RBBP8: variants seen among roughly 807,000 people sequenced by gnomAD.
RBBP8 encodes DNA endonuclease RBBP8.
RBBP8 carries 88 observed loss-of-function variants against 108.3 expected under a neutral mutation model. That is an observed-to-expected ratio of 0.81 (90% CI 0.68 to 0.97). RBBP8 has a LOEUF of 0.97. Among genes scored for constraint, RBBP8 ranks in the 50% least tolerant of loss-of-function variants. RBBP8 has a pLI of 0.00. For synonymous variants in RBBP8, 332 were observed against 348.2 expected (o/e 0.95, Z 0.52); for missense variants, 1,023 against 1,049.0 (o/e 0.98, Z 0.34).
intron 3 of RBBP8, among the ~76,000 whole-genome samples, chr18:22,927,409 C>T (rs1018666688): frequency 3.3e-5 from 5 of 152,330 alleles, no homozygotes; most frequent in South Asian, 2.1e-4. Flanking sequence ...TGGATACCCA[C>T]GTCCCAGTTC....
chr18:22,947,434 GGTATGT>G (rs1186829227), intron 3 of RBBP8, among the ~76,000 whole-genome samples: 2 of 151,316 alleles, frequency 1.3e-5, no homozygotes, highest in Non-Finnish European at 2.9e-5. Flanking sequence ...GTGCTGCATA[GGTATGT>G]AAAAGAGACA....
At chr18:22,926,074 G>A (rs1909781396) in intron 3 of RBBP8, among the ~76,000 whole-genome samples, 1 of 152,180 alleles carries the variant, frequency 6.6e-6, no homozygotes, top group Admixed American at 6.5e-5. Context: ...TGTCCAAACA[G>A]CCACTGCATT....
chr18:22,948,504 A>G (rs371711491), intron 3 of RBBP8, among the ~76,000 whole-genome samples: 48 of 152,242 alleles, frequency 3.2e-4, no homozygotes, highest in African/African-American at 9.9e-4. Flanking sequence ...TATTTGTTGT[A>G]TAGCCAGAAG....
chr18:22,972,895 TACAGGG>T (rs143856324), intron 5 of RBBP8, among the ~76,000 whole-genome samples: 86 of 152,296 alleles, frequency 5.6e-4, no homozygotes, highest in African/African-American at 2.0e-3. Context: ...TAATAAATCT[TACAGGG>T]ACCCTACTCT....
At chr18:22,949,886 A>C in intron 4 of RBBP8, 173 bp downstream of exon 4, 1 of 587,290 alleles carries the variant, frequency 1.7e-6, no homozygotes, top group South Asian at 2.1e-5. Context: ...GATTTTCATT[A>C]ATTCTGAGAT....
intron 2 of RBBP8, among the ~76,000 whole-genome samples, chr18:22,943,764 A>C (rs569138065): frequency 1.3e-5 from 2 of 152,294 alleles, no homozygotes; most frequent in Admixed American, 6.5e-5. Flanking sequence ...ATGACAGTAC[A>C]TACATTTTAT....
chr18:22,971,605 C>G (rs1567969127), intron 5 of RBBP8, among the ~76,000 whole-genome samples: 1 of 147,558 alleles, frequency 6.8e-6, no homozygotes, highest in Admixed American at 6.7e-5. Flanking sequence ...GTAAGTTTTA[C>G]TGATAGCTTT....
chr18:22,987,058 C>T (rs1449370116), intron 8 of RBBP8, among the ~76,000 whole-genome samples: 2 of 152,096 alleles, frequency 1.3e-5, no homozygotes, highest in East Asian at 3.8e-4. Context: ...AAAAATAATC[C>T]CCCTTTTAAT....
intron 15 of RBBP8, among the ~76,000 whole-genome samples, chr18:23,005,464 G>A (rs991812166): frequency 1.3e-5 from 2 of 151,968 alleles, no homozygotes; most frequent in Non-Finnish European, 2.9e-5. Context: ...CCAGGCTGGA[G>A]TGCAGTGGCA....
At position 22,939,062 on chromosome 18, in the gene RBBP8, G is replaced by A. The variant is rs1910829182; in HGVS notation, c.109+2102G>A. ...TCTGTAACTTTCCCTATGTCCCTAT[G>A]TATGAGAAATGCTTCATATTACATT... On this transcript the variant is annotated intron_variant, in intron 2 of 18. Coordinates refer to ENST00000327155, the MANE Select transcript of RBBP8 (RefSeq NM_002894.3). 2.0e-5 allele frequency among the ~76,000 whole-genome samples: 3 copies of A among 152,186 alleles called. No individual in the cohort carries two copies. The South Asian group carries it at 6.2e-4, about 31-fold the overall frequency.
chr18:22,920,846 A>G (rs969345033), intron 3 of RBBP8: 1 of 152,178 alleles, frequency 6.6e-6, no homozygotes, highest in African/African-American at 2.4e-5. Context: ...AGATCCTAGG[A>G]GAGCAGCAAG....
intron 13 of RBBP8, among the ~76,000 whole-genome samples, chr18:22,996,723 G>T (rs1204785069): frequency 6.6e-6 from 1 of 152,118 alleles, no homozygotes. Context: ...GTGGGCAGGC[G>T]CAGTGGCTCA....
intron 16 of RBBP8, among the ~76,000 whole-genome samples, chr18:23,008,458 T>C (rs941439076): frequency 6.6e-6 from 1 of 152,190 alleles, no homozygotes; most frequent in African/African-American, 2.4e-5. Flanking sequence ...CAAATGTGAC[T>C]AGGTTGTTTT....
Position 22,955,714 on chromosome 18 carries a change from A to G in RBBP8, c.248+6001A>G, listed in dbSNP as rs1391346896. 2.0e-5 allele frequency among the ~76,000 whole-genome samples: 3 copies of G among 151,668 alleles called. No individual in the cohort carries two copies. In the East Asian group the frequency reaches 5.9e-4, roughly 30 times the overall value. On this transcript the variant is annotated intron_variant, in intron 4 of 18. Coordinates refer to ENST00000327155, the MANE Select transcript of RBBP8 (RefSeq NM_002894.3). ...TGCCTCAGCCTCCCGAGTGGCTGGGACTACAGGCGCCCACTGCCTCGCCCG... is the reference window on the plus strand; with the variant it reads ...TGCCTCAGCCTCCCGAGTGGCTGGGGCTACAGGCGCCCACTGCCTCGCCCG...
At chr18:23,022,668 T>TAAAAAAAATAAAATAA (rs1353697130) in intron 18 of RBBP8, among the ~76,000 whole-genome samples, 5 of 136,106 alleles carry the variant, frequency 3.7e-5, no homozygotes, top group African/African-American at 1.4e-4. Context: ...TAAAATAAAA[T>TAAAAAAAATAAAATAA]AAATAACTGT....
chr18:22,946,032 TC>T (rs1334932124), intron 2 of RBBP8, among the ~76,000 whole-genome samples: 1 of 152,224 alleles, frequency 6.6e-6, no homozygotes, highest in Non-Finnish European at 1.5e-5. Context: ...TAGGTACTTT[TC>T]CATAAGGAAT....
rs545071372 is a variant in RBBP8 at position 23,017,593 on chromosome 18, G to T, written c.2454+669G>T. Among the ~76,000 whole-genome samples, 4 of 151,188 alleles carry T rather than the reference G, an allele frequency of 2.6e-5. No homozygotes were observed. The South Asian group carries it at 8.4e-4, about 32-fold the overall frequency. The stretch of plus-strand genomic sequence containing the variant: ...GGCGTGAACCCGGGAGGCAGAGCTT[G>T]TAGTGAGCCGAGATTGCACCACTGC... On this transcript the variant is annotated intron_variant, in intron 17 of 18. Coordinates refer to ENST00000327155, the MANE Select transcript of RBBP8 (RefSeq NM_002894.3).
chr18:22,972,586 G>T (rs1914193101), intron 5 of RBBP8, among the ~76,000 whole-genome samples: 1 of 151,802 alleles, frequency 6.6e-6, no homozygotes, highest in African/African-American at 2.4e-5. Flanking sequence ...ACTAATTTTT[G>T]TATTTTTAGT....
chr18:23,005,277 A>G (rs555083072), intron 15 of RBBP8, among the ~76,000 whole-genome samples: 1 of 152,390 alleles, frequency 6.6e-6, no homozygotes, highest in African/African-American at 2.4e-5. Context: ...CTAAAAGCAC[A>G]GATTTTGAAT....
Sources: gnomAD v4.1 joint callset for allele counts (sites outside exome capture counted in the v4.1 genomes callset) on GRCh38, gnomAD v4.1.1 for gene constraint, MANE v1.5 for transcripts, NCBI Gene and HGNC (gene_info 2026-07-23, HGNC 2026-07-21) for gene names.